Variants in CCDC178 observed in about 807,000 individuals in gnomAD.
CCDC178 encodes the protein coiled-coil domain-containing protein 178.
Under a neutral mutation model 117.4 loss-of-function variants are expected in CCDC178, and 126 were observed. That is an observed-to-expected ratio of 1.07 (90% confidence interval 0.93 to 1.24). CCDC178 has a LOEUF of 1.24. Among genes scored for constraint, CCDC178 ranks in the 50% most tolerant of loss-of-function variants. CCDC178 has a pLI of 0.00. For synonymous variants in CCDC178, 283 were observed against 313.4 expected (o/e 0.90, Z 1.02); for missense variants, 1,030 against 986.9 (o/e 1.04, Z -0.59).
At chr18:33,007,514 C>T (rs765168478) in intron 21 of CCDC178, among the ~76,000 whole-genome samples, 86 of 152,020 alleles carry the variant, frequency 5.7e-4, no homozygotes, top group Non-Finnish European at 1.2e-3. Flanking sequence ...CAGCTTGTCT[C>T]ACTGTCATCA....
chr18:33,376,019 G>A (rs749292114), intron 5 of CCDC178, among the ~76,000 whole-genome samples: 2 of 152,142 alleles, frequency 1.3e-5, no homozygotes. Context: ...ACGGCCAAGC[G>A]GGTGACTTGA....
At chr18:33,418,703 C>A (rs1424147200) in intron 2 of CCDC178, among the ~76,000 whole-genome samples, 1 of 152,086 alleles carries the variant, frequency 6.6e-6, no homozygotes, top group Non-Finnish European at 1.5e-5. Flanking sequence ...CAACAACACC[C>A]CAGCTGAATG....
intron 20 of CCDC178, among the ~76,000 whole-genome samples, chr18:33,118,272 C>T (rs965691211): frequency 6.6e-5 from 10 of 152,076 alleles, no homozygotes; most frequent in East Asian, 2.0e-4. Context: ...AGACAGGGGA[C>T]AGAGCTGGGG....
intron 3 of CCDC178, among the ~76,000 whole-genome samples, chr18:33,409,725 G>A (rs2063825172): frequency 6.6e-6 from 1 of 152,076 alleles, no homozygotes; most frequent in Non-Finnish European, 1.5e-5. Flanking sequence ...TATAATGGCT[G>A]GTTGTCTTAC....
intron 2 of CCDC178, among the ~76,000 whole-genome samples, chr18:33,431,020 A>T (rs1415344240): frequency 1.3e-5 from 2 of 149,654 alleles, no homozygotes; most frequent in African/African-American, 4.9e-5. Flanking sequence ...GCTTGCAGTG[A>T]GCCGAGATCG....
At chr18:32,974,984 C>T (rs548991023) in intron 21 of CCDC178, among the ~76,000 whole-genome samples, 1 of 152,260 alleles carries the variant, frequency 6.6e-6, no homozygotes, top group East Asian at 1.9e-4. Context: ...ATTTCTACTT[C>T]ACCCAGTTTA....
chr18:33,092,841 A>G lies in CCDC178; in HGVS notation c.2308T>C (p.Phe770Leu), dbSNP rs778740746. Residue 770 changes from phenylalanine to leucine, a missense_variant, in exon 21 of 23, where the codon TTC becomes CTC. Transcript: ENST00000383096. ...AQEYQQLQIT[F>L]LKEKDNYFNI... ...AAATAATTGTCCTTTTCTTTTAAGA[A>G]TGTAATCTGTAGCTGTTGATACTCT... 5 of 1,583,312 alleles carry G rather than the reference A, an allele frequency of 3.2e-6. No individual in the cohort carries two copies. The East Asian group carries it at 1.1e-4, about 36-fold the overall frequency.
intron 9 of CCDC178, among the ~76,000 whole-genome samples, chr18:33,335,299 T>C (rs994402269): frequency 6.6e-6 from 1 of 152,070 alleles, no homozygotes; most frequent in Non-Finnish European, 1.5e-5. Context: ...CATGTAATGA[T>C]ACTTTTAATG....
chr18:33,005,877 T>C (rs1391553119), intron 21 of CCDC178, among the ~76,000 whole-genome samples: 2 of 152,110 alleles, frequency 1.3e-5, no homozygotes, highest in African/African-American at 2.4e-5. Flanking sequence ...TAAGTAGAAC[T>C]GAAGCATAAT....
chr18:33,212,204 G>A (rs1225114020), intron 19 of CCDC178, 149 bp from the exon 20 acceptor site: 1 of 565,028 alleles, frequency 1.8e-6, no homozygotes, highest in Non-Finnish European at 3.0e-6. Flanking sequence ...TTTTTCTCAA[G>A]GTCTACTTCC....
chr18:33,117,363 A>G (rs1201960810), intron 20 of CCDC178, among the ~76,000 whole-genome samples: 3 of 152,076 alleles, frequency 2.0e-5, no homozygotes, highest in African/African-American at 2.4e-5. Flanking sequence ...GCATGGGCTC[A>G]GCAACATTGA....
At chr18:33,196,397 C>G (rs2058930311) in intron 20 of CCDC178, among the ~76,000 whole-genome samples, 1 of 152,168 alleles carries the variant, frequency 6.6e-6, no homozygotes, top group Non-Finnish European at 1.5e-5. Context: ...TAGACCCTTC[C>G]TGGACTCGGT....
At chr18:33,019,898 A>G (rs2144823958) in intron 21 of CCDC178, among the ~76,000 whole-genome samples, 1 of 146,938 alleles carries the variant, frequency 6.8e-6, no homozygotes, top group Middle Eastern at 3.5e-3. Context: ...TCATTTCATG[A>G]TCCTCTTAAC....
chr18:33,007,168 C>T (rs966977642), intron 21 of CCDC178, among the ~76,000 whole-genome samples: 1 of 151,852 alleles, frequency 6.6e-6, no homozygotes, highest in Non-Finnish European at 1.5e-5. Flanking sequence ...ACATAGAGGC[C>T]GTGGGAATAA....
chr18:33,193,498 T>G (rs1368181721), intron 20 of CCDC178, among the ~76,000 whole-genome samples: 1 of 152,162 alleles, frequency 6.6e-6, no homozygotes, highest in East Asian at 1.9e-4. Flanking sequence ...TGAAAGTCTT[T>G]AGGTTGAAAT....
chr18:33,364,902 T>C (rs1190639643), intron 6 of CCDC178, among the ~76,000 whole-genome samples: 1 of 151,950 alleles, frequency 6.6e-6, no homozygotes, highest in Non-Finnish European at 1.5e-5. Flanking sequence ...GAGACTATGG[T>C]TACATAACAT....
intron 12 of CCDC178, among the ~76,000 whole-genome samples, chr18:33,292,215 GATGCACA>G (rs1490630042): frequency 6.6e-6 from 1 of 152,142 alleles, no homozygotes; most frequent in East Asian, 1.9e-4. Context: ...AAGAAAATGT[GATGCACA>G]ATGGAATACT....
At chr18:33,349,863 TAG>T (rs545112687) in intron 7 of CCDC178, among the ~76,000 whole-genome samples, 2 of 151,844 alleles carry the variant, frequency 1.3e-5, no homozygotes, top group African/African-American at 2.4e-5. Context: ...CTTATAAAAT[TAG>T]AGTCACAATT....
intron 21 of CCDC178, among the ~76,000 whole-genome samples, chr18:33,064,130 G>A (rs1348517238): frequency 6.6e-6 from 1 of 152,116 alleles, no homozygotes; most frequent in African/African-American, 2.4e-5. Flanking sequence ...ATATGAGAAA[G>A]CAAAATAGGA....
Sources: allele counts gnomAD v4.1 joint callset (sites outside exome capture counted in the v4.1 genomes callset), GRCh38; gene constraint gnomAD v4.1.1; transcripts MANE v1.5; gene names NCBI Gene and HGNC (gene_info 2026-07-23, HGNC 2026-07-21).